Variants in NEB observed in about 807,000 individuals in gnomAD.
NEB encodes nebulin, also known as nemaline myopathy type 2.
In NEB, 512 loss-of-function variants were observed where a neutral mutation model predicts 952.2. The observed-to-expected ratio is 0.54, with a 90% CI of 0.50 to 0.58. The LOEUF is 0.58. NEB is among the 20% of genes least tolerant of loss of function. The pLI is 0.00. For missense variants in NEB, 8,428 were observed against 9,231.1 expected (o/e 0.91, Z 3.56); for synonymous variants, 2,900 against 3,149.8 (o/e 0.92, Z 2.66).
At chr2:151,556,842 G>A (rs181278542) in intron 124 of NEB, among the ~76,000 whole-genome samples, 1 of 152,232 alleles carries the variant, frequency 6.6e-6, no homozygotes, top group African/African-American at 2.4e-5. Context: ...CTTGAACTCA[G>A]AATCTCTGGG....
intron 105 of NEB, among the ~76,000 whole-genome samples, chr2:151,578,758 CGAAGGAAGGAATGAAGGAAGGAAG>C (rs1401529541): frequency 7.8e-6 from 1 of 128,924 alleles, no homozygotes; most frequent in African/African-American, 3.0e-5. Flanking sequence ...AAGGAAGGAA[CGAAGGAAGGAATGAAGGAAGGAAG>C]GAAGGAAGGG....
intron 67 of NEB, 31 bp downstream of exon 67, chr2:151,630,684 A>G: frequency 6.5e-7 from 1 of 1,528,322 alleles, no homozygotes; most frequent in Non-Finnish European, 9.0e-7. Flanking sequence ...CACCACCACC[A>G]CAATATAGCA....
Position 151,694,387 on chromosome 2 carries a change from A to G in NEB, c.1832T>C (p.Val611Ala). The G allele has an allele frequency of 1.9e-6, 3 of 1,613,642 alleles. No individual in the cohort carries two copies. The highest frequency in any genetic ancestry group is 2.5e-6 in the Non-Finnish European group (3 of 1,179,818). Residue 611 changes from valine to alanine, a missense_variant, in exon 20 of 182, where the codon GTC becomes GCC. Physicochemically the swap from Val to Ala is moderately conservative, Grantham distance 64. This residue lies in a region of NEB where 2,851 missense variants were observed against 2,791.5 expected (regional missense o/e 1.02). Coordinates refer to ENST00000397345, the MANE Select transcript of NEB (RefSeq NM_001164508.2). Reference sequence around the variant, plus strand: ...CTTGGGATCGTCATTAATGCTGAGGACTCCAATCATTTTCCCTTTGTTTTT... The same window carrying G: ...CTTGGGATCGTCATTAATGCTGAGGGCTCCAATCATTTTCCCTTTGTTTTT... ...YEKNKGKMIG[V>A]LSINDDPKML...
In NEB at chr2:151,578,619, G is replaced by A. The variant is rs553041442; in HGVS notation, c.16704+719C>T. Among the ~76,000 whole-genome samples, 10 of 151,066 alleles carry A rather than the reference G, an allele frequency of 6.6e-5. No individual in the cohort carries two copies. In the East Asian group the frequency reaches 2.0e-3, roughly 30 times the overall value. On this transcript the variant is annotated intron_variant, in intron 105 of 181. Transcript: ENST00000397345. Reference sequence around the variant, plus strand: ...GAGGTTGCAGTGAGCTGAGACTCCAGCCAGGGCCACAGGGCAAGGGAAGGA... The same window carrying A: ...GAGGTTGCAGTGAGCTGAGACTCCAACCAGGGCCACAGGGCAAGGGAAGGA...
At chr2:151,516,901 G>A (rs904016812) in intron 156 of NEB, among the ~76,000 whole-genome samples, 1 of 152,072 alleles carries the variant, frequency 6.6e-6, no homozygotes, top group African/African-American at 2.4e-5. Flanking sequence ...ATAATTGATG[G>A]GTAGCTGTAA....
rs2154027710 is a variant in NEB at position 151,620,923 on chromosome 2, C to T, written c.10556G>A (p.Ser3519Asn). Residue 3519 changes from serine to asparagine, a missense_variant, in exon 72 of 182, where the codon AGT (serine) becomes AAT (asparagine). By Grantham distance (46) the Ser-to-Asn change is conservative. This residue lies in a region of NEB where 1,772 missense variants were observed against 1,960.3 expected (regional missense o/e 0.90). Transcript: ENST00000397345. ...VAAKASRDIA[S>N]DYKYKEAYRK... ...TAGGACTTGATCAGCTCTTACATCA[C>T]TGGCAATATCCCGAGAGGCCTTGGC... 3 of 1,608,854 alleles carry T rather than the reference C, an allele frequency of 1.9e-6. No homozygotes were observed. The highest frequency in any genetic ancestry group is 1.7e-6 in the Non-Finnish European group (2 of 1,176,930).
chr2:151,685,519 T>C (rs1232255639), intron 27 of NEB, among the ~76,000 whole-genome samples: 2 of 152,220 alleles, frequency 1.3e-5, no homozygotes, highest in East Asian at 1.9e-4. Flanking sequence ...GTTGTTTTCA[T>C]ATCAAGTTCA....
chr2:151,627,516 T>C lies in NEB; in HGVS notation c.10143+7A>G. 1 of 1,612,866 alleles carries C rather than the reference T, an allele frequency of 6.2e-7. No individual in the cohort carries two copies. The highest frequency in any genetic ancestry group is 1.3e-5 in the African/African-American group (1 of 75,044). ...GAGCACAGTTACCATGGATCTTAAT[T>C]ACTCACATCGCTCTGGAGGTCATAG... On this transcript the variant is annotated splice_region_variant and intron_variant, in intron 69 of 181. Coordinates refer to ENST00000397345, the MANE Select transcript of NEB (RefSeq NM_001164508.2).
In NEB at chr2:151,570,353, A is replaced by G. The variant is rs1433363990; in HGVS notation, c.17158T>C (p.Tyr5720His). The G allele has an allele frequency of 6.3e-7, 1 of 1,596,508 alleles. No individual in the cohort carries two copies. The highest frequency in any genetic ancestry group is 8.5e-7 in the Non-Finnish European group (1 of 1,169,900). Residue 5720 changes from tyrosine to histidine, a missense_variant, in exon 109 of 182, where the codon TAC becomes CAC. Physicochemically the swap from Tyr to His is moderately conservative, Grantham distance 83. Around this residue, in one of 11 missense-constraint regions of NEB, gnomAD observed 3,374 missense variants for 3,651.5 expected, o/e 0.92. Transcript: ENST00000397345. ...KLDHEKQKGH[Y>H]VGTLTARDDN... ...TCCCTGGCTGTGAGGGTGCCCACGT[A>G]GTGTCCCTTCTGCTTCTCATGGTCA...
chr2:151,640,147 C>A, intron 61 of NEB, 87 bp from the exon 62 acceptor site: 1 of 1,516,288 alleles, frequency 6.6e-7, no homozygotes, highest in East Asian at 2.3e-5. Context: ...TAAAAGCACT[C>A]TCAAAATTTA....
intron 110 of NEB, among the ~76,000 whole-genome samples, chr2:151,569,035 G>T (rs1021459074): frequency 6.6e-6 from 1 of 152,094 alleles, no homozygotes; most frequent in Admixed American, 6.5e-5. Context: ...CTGACAAAAA[G>T]ATTTTTCCAT....
chr2:151,664,450 G>A (rs1381412444), intron 44 of NEB, 51 bp downstream of exon 44: 74 of 1,322,146 alleles, frequency 5.6e-5, no homozygotes, highest in Middle Eastern at 1.9e-4. Flanking sequence ...CAAGCTTAGC[G>A]CATTTGTTCT....
intron 24 of NEB, among the ~76,000 whole-genome samples, chr2:151,688,878 A>T (rs371465237): frequency 3.3e-5 from 5 of 152,194 alleles, no homozygotes; most frequent in African/African-American, 4.8e-5. Flanking sequence ...AGATTTCATC[A>T]TGCTACTCAG....
Position 151,485,882 on chromosome 2 carries a change from A to C in NEB, c.25456T>G (p.Ser8486Ala), listed in dbSNP as rs1213717556. Residue 8486 changes from serine to alanine, a missense_variant, in exon 182 of 182, where the codon TCC becomes GCC. Ser to Ala is a moderately conservative substitution (Grantham distance 99, BLOSUM62 1). Around this residue, in one of 11 missense-constraint regions of NEB, gnomAD observed 3,374 missense variants for 3,651.5 expected, o/e 0.92. Coordinates refer to ENST00000397345, the MANE Select transcript of NEB (RefSeq NM_001164508.2). ...ATGATGGCATCTCCATCCTTGAAGG[A>C]CACCTCATCTGCATCAGCAGCCATA... The part of the protein sequence containing the change: ...DYMAADADEV[S>A]FKDGDAIINV... The C allele has an allele frequency of 6.2e-7, 1 of 1,613,960 alleles. No individual in the cohort carries two copies. Among genetic ancestry groups the C allele is most frequent in the East Asian group, 2.2e-5 (1 of 44,876 alleles).
chr2:151,545,760 G>C, intron 135 of NEB, 128 bp downstream of exon 135: 1 of 607,358 alleles, frequency 1.6e-6, no homozygotes, highest in South Asian at 2.2e-5. Context: ...CCACAGTTAA[G>C]AGGGGAAATA....
chr2:151,509,082 TTCTG>T (rs987246273), intron 161 of NEB, among the ~76,000 whole-genome samples: 3 of 152,212 alleles, frequency 2.0e-5, no homozygotes, highest in South Asian at 2.1e-4. Flanking sequence ...GATAAAACTA[TTCTG>T]TCTGTCTCTA....
chr2:151,537,208 A>G lies in NEB; in HGVS notation c.21131T>C (p.Leu7044Pro). ...DVKYKEDLTWLKGIGCYAYDT... is the reference protein window; with the variant it reads ...DVKYKEDLTWPKGIGCYAYDT... Reference sequence around the variant, plus strand: ...ATAGGCATAGCAACCAATGCCTTTAAGCCAAGTCAAGTCTTCTTTATATTT... The same window carrying G: ...ATAGGCATAGCAACCAATGCCTTTAGGCCAAGTCAAGTCTTCTTTATATTT... The change falls in exon 141 of 182, where the codon CTT (leucine) becomes CCT (proline). Residue 7044 changes from leucine to proline, a missense_variant. Coordinates refer to ENST00000397345, the MANE Select transcript of NEB (RefSeq NM_001164508.2). 6.2e-7 allele frequency: 1 copy of G among 1,612,698 alleles called. No homozygotes were observed. Among genetic ancestry groups the G allele is most frequent in the Non-Finnish European group, 8.5e-7 (1 of 1,179,012 alleles).
Position 151,674,462 on chromosome 2 carries a change from A to G in NEB, c.3987+15T>C, listed in dbSNP as rs1177594119. On this transcript the variant is annotated intron_variant, in intron 36 of 181. Transcript: ENST00000397345. ...AAAGGCAAACACCTAAACTTCACCT[A>G]AAATTTGTACTCACATCACTGGCAA... 6.2e-7 allele frequency: 1 copy of G among 1,603,556 alleles called. No individual in the cohort carries two copies. The highest frequency in any genetic ancestry group is 1.7e-5 in the Admixed American group (1 of 60,010).
intron 34 of NEB, among the ~76,000 whole-genome samples, chr2:151,675,987 T>TA (rs1446949905): frequency 6.6e-6 from 1 of 152,194 alleles, no homozygotes; most frequent in African/African-American, 2.4e-5. Flanking sequence ...GCAGAAATCT[T>TA]ACTGCATCCT....
Sources: allele counts gnomAD v4.1 joint callset (sites outside exome capture counted in the v4.1 genomes callset), GRCh38; gene constraint gnomAD v4.1.1; regional missense constraint gnomAD v4.1.1; transcripts MANE v1.5; gene names NCBI Gene and HGNC (gene_info 2026-07-23, HGNC 2026-07-21).